KIF5C: variants seen among roughly 807,000 people sequenced by gnomAD.
KIF5C encodes kinesin heavy chain isoform 5C.
In KIF5C, 18 loss-of-function variants were observed where a neutral mutation model predicts 125.2. The observed-to-expected ratio is 0.14, with a 90% CI of 0.10 to 0.21. The LOEUF (loss-of-function observed/expected upper bound fraction) is 0.21. Among genes scored for constraint, KIF5C ranks in the 10% least tolerant of loss-of-function variants. The pLI is 1.00. For synonymous variants in KIF5C, 405 were observed against 434.0 expected, an observed-to-expected ratio of 0.93 and a Z score of 0.83; for missense variants, 780 against 1,183.8, an observed-to-expected ratio of 0.66 and a Z score of 5.01.
intron 2 of KIF5C, 60 bp from the exon 3 acceptor site, chr2:148,929,221 C>A: frequency 1.9e-6 from 2 of 1,040,210 alleles, no homozygotes; most frequent in Non-Finnish European, 2.9e-6. Flanking sequence ...AAATATGCAA[C>A]CTACACCAGC....
intron 1 of KIF5C, among the ~76,000 whole-genome samples, chr2:148,918,514 T>C (rs944871931): frequency 6.6e-6 from 1 of 152,196 alleles, no homozygotes; most frequent in South Asian, 2.1e-4. Flanking sequence ...CCTAGGACCA[T>C]GAAAACTTTC....
chr2:148,923,535 T>A (rs1158462889), intron 2 of KIF5C, among the ~76,000 whole-genome samples: 1 of 152,206 alleles, frequency 6.6e-6, no homozygotes, highest in Non-Finnish European at 1.5e-5. Flanking sequence ...TATCTAAACA[T>A]GTTTTCTCTG....
At chr2:148,926,335 T>G (rs1681994110) in intron 2 of KIF5C, among the ~76,000 whole-genome samples, 1 of 151,922 alleles carries the variant, frequency 6.6e-6, no homozygotes, top group Non-Finnish European at 1.5e-5. Flanking sequence ...GGCCCCGGGG[T>G]GCGGCGGGCT....
intron 25 of KIF5C, among the ~76,000 whole-genome samples, chr2:149,014,081 A>G (rs1380164511): frequency 5.3e-5 from 8 of 152,210 alleles, no homozygotes; most frequent in South Asian, 4.2e-4. Flanking sequence ...CTGGAGTGCA[A>G]TGGCATGATC....
intron 11 of KIF5C, among the ~76,000 whole-genome samples, chr2:148,963,740 G>A (rs1682983756): frequency 6.6e-6 from 1 of 152,124 alleles, no homozygotes; most frequent in South Asian, 2.1e-4. Context: ...AAGCCTTTTG[G>A]TAAAGGATTG....
At chr2:148,970,532 A>G (rs1377735966) in intron 11 of KIF5C, among the ~76,000 whole-genome samples, 5 of 152,250 alleles carry the variant, frequency 3.3e-5, no homozygotes, top group Admixed American at 3.3e-4. Context: ...TAAAAGGTAC[A>G]ATGTGGCTTT....
chr2:148,965,763 G>C (rs2105136356), intron 11 of KIF5C, among the ~76,000 whole-genome samples: 1 of 152,302 alleles, frequency 6.6e-6, no homozygotes, highest in Non-Finnish European at 1.5e-5. Context: ...CTCTGGTAAA[G>C]CTGCGATCTG....
chr2:148,947,776 A>G (rs1445631336), intron 8 of KIF5C: 1 of 406,138 alleles, frequency 2.5e-6, no homozygotes, highest in Non-Finnish European at 5.0e-6. Flanking sequence ...CCCTCGAGCA[A>G]CATCATAGAG....
chr2:149,000,370 A>C (rs750540615), intron 19 of KIF5C, 53 bp from the exon 20 acceptor site: 5 of 1,534,362 alleles, frequency 3.3e-6, no homozygotes, highest in African/African-American at 1.4e-5. Context: ...TAGCCTGATG[A>C]CTCAGAATTT....
intron 12 of KIF5C, 125 bp downstream of exon 12, chr2:148,973,636 C>A: frequency 7.5e-7 from 1 of 1,329,426 alleles, no homozygotes; most frequent in Non-Finnish European, 1.0e-6. Context: ...TAATACCTAC[C>A]CTAGCACTTT....
intron 1 of KIF5C, among the ~76,000 whole-genome samples, chr2:148,875,944 C>A (rs1368208247): frequency 7.7e-6 from 1 of 129,550 alleles, no homozygotes; most frequent in East Asian, 2.7e-4. Flanking sequence ...CCGGGAGCGG[C>A]GGGCCGGGCG....
chr2:149,002,739 A>G (rs1681891025), intron 21 of KIF5C, among the ~76,000 whole-genome samples: 1 of 152,072 alleles, frequency 6.6e-6, no homozygotes, highest in African/African-American at 2.4e-5. Context: ...CCCGTCACTC[A>G]TACACTCATT....
chr2:148,911,293 T>C (rs1359346918), intron 1 of KIF5C, among the ~76,000 whole-genome samples: 1 of 151,762 alleles, frequency 6.6e-6, no homozygotes, highest in Admixed American at 6.6e-5. Flanking sequence ...AAAAGAAAAA[T>C]TGGCAGTGAC....
At chr2:148,904,859 G>A (rs528118326) in intron 1 of KIF5C, among the ~76,000 whole-genome samples, 1 of 152,300 alleles carries the variant, frequency 6.6e-6, no homozygotes, top group South Asian at 2.1e-4. Flanking sequence ...GCAGACATGG[G>A]CTTAGATAAC....
At chr2:148,989,760 G>A (rs1486120662) in intron 15 of KIF5C, among the ~76,000 whole-genome samples, 2 of 152,034 alleles carry the variant, frequency 1.3e-5, no homozygotes, top group East Asian at 3.9e-4. Flanking sequence ...TTTTCTATAT[G>A]TGTGTTGGCT....
intron 1 of KIF5C, among the ~76,000 whole-genome samples, chr2:148,910,992 G>A (rs1301748067): frequency 2.0e-5 from 3 of 152,204 alleles, no homozygotes. Context: ...AGGTGGAGGA[G>A]AAGGAGGCAG....
intron 18 of KIF5C, chr2:148,998,099 TCTGA>T (rs1195594318): frequency 2.5e-6 from 1 of 405,968 alleles, no homozygotes; most frequent in Non-Finnish European, 4.6e-6. Flanking sequence ...GTTGGTGCCC[TCTGA>T]CTGACCTGGC....
At chr2:148,998,266 C>T in intron 18 of KIF5C, 134 bp from the exon 19 acceptor site, 9 of 1,414,956 alleles carry the variant, frequency 6.4e-6, no homozygotes, top group Non-Finnish European at 8.5e-6. Flanking sequence ...GCAAAACAGC[C>T]AGAAATGCCC....
Position 148,954,224 on chromosome 2 carries a change from A to G in KIF5C, c.968+3762A>G, listed in dbSNP as rs1413523436. The stretch of plus-strand genomic sequence containing the variant: ...TCCTTTAGTTTCCTGAATGCCCAGC[A>G]TCGTGCCATTAAAGAAGTAAGTGCT... On this transcript the variant is annotated intron_variant, in intron 10 of 25. Coordinates refer to ENST00000435030, the MANE Select transcript of KIF5C (RefSeq NM_004522.3). 2.0e-5 allele frequency among the ~76,000 whole-genome samples: 3 copies of G among 152,182 alleles called. No homozygotes were observed. In the South Asian group the frequency reaches 6.2e-4, roughly 32 times the overall value.
Sources: gnomAD v4.1 joint callset for allele counts (sites outside exome capture counted in the v4.1 genomes callset) on GRCh38, gnomAD v4.1.1 for gene constraint, MANE v1.5 for transcripts, NCBI Gene and HGNC (gene_info 2026-07-23, HGNC 2026-07-21) for gene names.